The following CHAT variants were observed in gnomAD, a reference collection of about 807,000 sequenced individuals.
CHAT encodes the protein choline O-acetyltransferase.
A neutral mutation model predicts 76.9 loss-of-function variants in CHAT; 61 were observed. That is an observed-to-expected ratio of 0.79 (90% confidence interval 0.65 to 0.98). The LOEUF is 0.98. Among genes scored for constraint, CHAT ranks in the 50% least tolerant of loss-of-function variants. CHAT has a pLI of 0.00. For synonymous variants in CHAT, 407 were observed against 397.4 expected (o/e 1.02, Z -0.29); for missense variants, 946 against 986.9 (o/e 0.96, Z 0.56).
rs143034155 is a variant in CHAT, at chr10:49,633,456, C to T, written c.1111+5671C>T. ...TATGTCTGTCTCCTTTAGGGGTGGC[C>T]GGGGGTGAAGCAGGATCTGACACTG... On this transcript the variant is annotated intron_variant, in intron 7 of 14. Coordinates refer to ENST00000337653, the MANE Select transcript of CHAT (RefSeq NM_020549.5). Among the ~76,000 whole-genome samples, 32 of 152,160 alleles carry T rather than the reference C, an allele frequency of 2.1e-4. No individual in the cohort carries two copies. In the East Asian group the frequency reaches 3.5e-3, roughly 17 times the overall value.
intron 10 of CHAT, among the ~76,000 whole-genome samples, chr10:49,650,640 C>A (rs965475943): frequency 6.6e-6 from 1 of 152,138 alleles, no homozygotes. Flanking sequence ...GTGTCACTGT[C>A]CTGTTATGGG....
chr10:49,616,199 C>A (rs1838486083), intron 1 of CHAT: 4 of 1,142,520 alleles, frequency 3.5e-6, no homozygotes, highest in Non-Finnish European at 5.3e-6. Flanking sequence ...TGCCAGCAAC[C>A]CCTGGTGGAT....
chr10:49,615,086 G>A (rs1838436546), intron 1 of CHAT, among the ~76,000 whole-genome samples: 1 of 151,000 alleles, frequency 6.6e-6, no homozygotes, highest in East Asian at 2.0e-4. Flanking sequence ...GGGACCACCA[G>A]GAAACCATCC....
chr10:49,620,509 G>C lies in CHAT; in HGVS notation c.594G>C (p.Trp198Cys), dbSNP rs773806458. The change falls in exon 4 of 15, where the codon TGG (tryptophan) becomes TGC (cysteine). Residue 198 changes from tryptophan (W) to cysteine (C), a missense_variant. Trp to Cys is a radical substitution (Grantham distance 215). Around this residue, in one of 3 missense-constraint regions of CHAT, gnomAD observed 548 missense variants for 516.2 expected, o/e 1.06. Coordinates refer to ENST00000337653, the MANE Select transcript of CHAT (RefSeq NM_020549.5). ...EKTANWVSEY[W>C]LNDMYLNNRL... ...CTCCCCGGCAGGTGTCTGAGTACTG[G>C]CTGAATGACATGTATCTCAACAACC... The C allele has an allele frequency of 1.2e-6, 2 of 1,613,292 alleles. No homozygotes were observed. The highest frequency in any genetic ancestry group is 3.3e-5 in the Admixed American group (2 of 60,022).
chr10:49,616,440 G>A (rs963797609), intron 1 of CHAT, 62 bp from the exon 2 acceptor site: 7 of 1,304,260 alleles, frequency 5.4e-6, no homozygotes, highest in East Asian at 5.0e-5. Flanking sequence ...GGCGGGAGGT[G>A]GAGGGTTTGT....
intron 14 of CHAT, among the ~76,000 whole-genome samples, chr10:49,663,090 C>T (rs897736379): frequency 6.6e-6 from 1 of 152,012 alleles, no homozygotes; most frequent in South Asian, 2.1e-4. Context: ...ATTAGCTGGG[C>T]ATGGTGGTGC....
chr10:49,652,049 G>A (rs1229237325), intron 11 of CHAT, 43 bp downstream of exon 11: 1 of 1,613,708 alleles, frequency 6.2e-7, no homozygotes, highest in Non-Finnish European at 8.5e-7. Flanking sequence ...AGGGCTGACG[G>A]ACACAGTGCT....
intron 7 of CHAT, among the ~76,000 whole-genome samples, chr10:49,638,360 A>G (rs1393487771): frequency 6.6e-6 from 1 of 152,224 alleles, no homozygotes. Flanking sequence ...TAGACAGCAT[A>G]TAGCTGGGTA....
At chr10:49,651,748 TC>T (rs985595898) in intron 10 of CHAT, 135 bp from the exon 11 acceptor site, 36 of 839,430 alleles carry the variant, frequency 4.3e-5, no homozygotes, top group African/African-American at 8.5e-5. Flanking sequence ...CTCAGTGCAC[TC>T]CTGAAGGGCA....
chr10:49,616,368 G>A (rs1392097208), intron 1 of CHAT, 134 bp from the exon 2 acceptor site: 3 of 758,286 alleles, frequency 4.0e-6, no homozygotes, highest in Non-Finnish European at 7.0e-6. Flanking sequence ...CGCCTGCAAT[G>A]AGACCCCTAT....
chr10:49,624,930 G>A (rs547826671), intron 5 of CHAT, among the ~76,000 whole-genome samples: 10 of 151,926 alleles, frequency 6.6e-5, no homozygotes, highest in East Asian at 3.9e-4. Flanking sequence ...TGGATGTTTC[G>A]TGGTAGAAGT....
intron 7 of CHAT, among the ~76,000 whole-genome samples, chr10:49,633,239 G>A (rs1390245720): frequency 5.3e-5 from 8 of 152,196 alleles, no homozygotes; most frequent in Non-Finnish European, 1.0e-4. Flanking sequence ...TTTCCAGAGG[G>A]ACAGAGTGGG....
At chr10:49,641,883 A>T (rs1248703651) in intron 7 of CHAT, among the ~76,000 whole-genome samples, 1 of 152,222 alleles carries the variant, frequency 6.6e-6, no homozygotes, top group Non-Finnish European at 1.5e-5. Context: ...TGCACATTAA[A>T]GAACATCTCC....
Position 49,666,267 on chromosome 10 carries a change from TCCAGCTCCAGCC to T in CHAT, c.*1233_*1244del, listed in dbSNP as rs746570822. 1.3e-5 allele frequency among the ~76,000 whole-genome samples: 2 copies of T among 151,846 alleles called. No individual in the cohort carries two copies. The highest frequency in any genetic ancestry group is 2.4e-5 in the African/African-American group (1 of 41,340). On this transcript the variant is annotated 3_prime_UTR_variant, in exon 15 of 15. Coordinates refer to ENST00000337653, the MANE Select transcript of CHAT (RefSeq NM_020549.5). ...CCCCAGCTCCAGCTCCAGCCCCAGC[TCCAGCTCCAGCC>T]CCAGCTCCAGCTCCAGCATGGGCAG...
Position 49,666,231 on chromosome 10 carries a change from C to CCCAGCA in CHAT, c.*1190_*1191insACCAGC, listed in dbSNP as rs1840336559. ...GGGCACAGCCTCCTCCAGAGTCAGC[C>CCCAGCA]CCAGCCCCAGCCCCAGCTCCAGCTC... is the stretch of plus-strand genomic sequence containing the variant. On this transcript the variant is annotated 3_prime_UTR_variant, in exon 15 of 15. Coordinates refer to ENST00000337653, the MANE Select transcript of CHAT (RefSeq NM_020549.5). Among the ~76,000 whole-genome samples the CCCAGCA allele has an allele frequency of 6.6e-6, 1 of 151,854 alleles. No individual in the cohort carries two copies. Among genetic ancestry groups the CCCAGCA allele is most frequent in the African/African-American group, 2.4e-5 (1 of 41,304 alleles).
upstream of CHAT, chr10:49,611,036 C>G (rs778997596): frequency 6.2e-6 from 10 of 1,613,840 alleles, no homozygotes; most frequent in Non-Finnish European, 8.5e-6. Context: ...AACACCTCGG[C>G]GTCCCCGACA....
At chr10:49,634,518 C>T (rs1212954064) in intron 7 of CHAT, among the ~76,000 whole-genome samples, 1 of 152,204 alleles carries the variant, frequency 6.6e-6, no homozygotes, top group East Asian at 1.9e-4. Context: ...GCATGGAATC[C>T]TAATCCCTAT....
chr10:49,625,554 C>T lies in CHAT; in HGVS notation c.834C>T (p.Ser278=), dbSNP rs775502083. ...TGAAGCAATACTATGGGCTCTTCTC[C>T]TCCTACCGGCTCCCCGGCCATACCC... is the stretch of plus-strand genomic sequence containing the variant. ...LCMKQYYGLF[S]SYRLPGHTQD... Residue 278 remains serine, a synonymous_variant, in exon 6 of 15, where the codon TCC becomes TCT. Coordinates refer to ENST00000337653, the MANE Select transcript of CHAT (RefSeq NM_020549.5). 30 of 1,612,832 alleles carry T rather than the reference C, an allele frequency of 1.9e-5. No individual in the cohort carries two copies. In the South Asian group the frequency reaches 3.2e-4, roughly 17 times the overall value.
In CHAT at chr10:49,614,162, G is replaced by A; in HGVS notation, c.-28G>A. On this transcript the variant is annotated 5_prime_UTR_variant, in exon 1 of 15. Coordinates refer to ENST00000337653, the MANE Select transcript of CHAT (RefSeq NM_020549.5). ...GTAGATTCTGGGGGCCGGGAGCTGA[G>A]ATCCCTGGGCGGGGAGCTGGGGAAG... 1 of 1,542,288 alleles carries A rather than the reference G, an allele frequency of 6.5e-7. No homozygotes were observed. The highest frequency in any genetic ancestry group is 8.7e-7 in the Non-Finnish European group (1 of 1,145,506).
Sources: allele counts gnomAD v4.1 joint callset (sites outside exome capture counted in the v4.1 genomes callset), GRCh38; gene constraint gnomAD v4.1.1; regional missense constraint gnomAD v4.1.1; transcripts MANE v1.5; gene names NCBI Gene and HGNC (gene_info 2026-07-23, HGNC 2026-07-21).